The following GSDMC variants were observed in gnomAD, a reference collection of about 807,000 sequenced individuals.
GSDMC encodes gasdermin-C.
GSDMC carries 59 observed loss-of-function variants against 58.0 expected under a neutral mutation model. The observed-to-expected ratio is 1.02, with a 90% confidence interval of 0.82 to 1.26. The LOEUF (loss-of-function observed/expected upper bound fraction) is 1.26. Ranked by LOEUF, GSDMC falls within the 50% of genes most tolerant of loss-of-function variation. The pLI, the probability that GSDMC is intolerant of heterozygous loss-of-function variation, is 0.00. For missense variants in GSDMC, 659 were observed against 598.5 expected (o/e 1.10, Z -1.06); for synonymous variants, 241 against 220.2 (o/e 1.09, Z -0.83).
chr8:129,723,494 C>T, the GSDMC span, among the ~76,000 whole-genome samples: 1 of 149,816 alleles, frequency 6.7e-6, no homozygotes, highest in Non-Finnish European at 1.5e-5. Context: ...TCTCGAACTC[C>T]TGACCTCATG....
At chr8:129,734,560 C>A in the GSDMC span, among the ~76,000 whole-genome samples, 1 of 152,200 alleles carries the variant, frequency 6.6e-6, no homozygotes, top group Non-Finnish European at 1.5e-5. Context: ...CCCAGAATTT[C>A]ATATCCAGCC....
At chr8:129,715,153 G>A in the GSDMC span, among the ~76,000 whole-genome samples, 1 of 152,124 alleles carries the variant, frequency 6.6e-6, no homozygotes, top group Admixed American at 6.6e-5. Context: ...CATAAACAGT[G>A]TCTCTTCCCC....
At chr8:129,765,516 T>A in intron 4 of GSDMC, 112 bp downstream of exon 4, 1 of 776,902 alleles carries the variant, frequency 1.3e-6, no homozygotes, top group Admixed American at 2.0e-5. Flanking sequence ...AATGACTCCA[T>A]CCCTTGTAAT....
At chr8:129,779,931 T>C (rs149432548) in intron 1 of GSDMC, among the ~76,000 whole-genome samples, 2,163 of 152,096 alleles carry the variant, frequency 0.014, 59 homozygotes, top group African/African-American at 0.049. Context: ...TTAAGGAAAT[T>C]GAAATAATTA....
chr8:129,743,000 G>C, the GSDMC span, among the ~76,000 whole-genome samples: 1 of 152,010 alleles, frequency 6.6e-6, no homozygotes, highest in Non-Finnish European at 1.5e-5. Context: ...TTCTTTCTCT[G>C]AATGCATTGG....
chr8:129,752,977 C>G (rs2033277199), intron 6 of GSDMC, 157 bp from the exon 7 acceptor site: 1 of 1,317,846 alleles, frequency 7.6e-7, no homozygotes, highest in Non-Finnish European at 1.0e-6. Context: ...TTGCCCATTC[C>G]TTCTTTCAGA....
At chr8:129,715,140 G>C in the GSDMC span, among the ~76,000 whole-genome samples, 3 of 152,016 alleles carry the variant, frequency 2.0e-5, no homozygotes, top group Admixed American at 6.6e-5. Context: ...TAAGACACAG[G>C]GTCATAAACA....
chr8:129,772,002 C>CACCTGTAATCCCAGCACTTTAGGA (rs2034067577), intron 3 of GSDMC, among the ~76,000 whole-genome samples: 1 of 152,168 alleles, frequency 6.6e-6, no homozygotes, highest in Admixed American at 6.5e-5. Context: ...CAGTGGCTCA[C>CACCTGTAATCCCAGCACTTTAGGA]ACCTGTAATC....
chr8:129,752,860 C>T (rs779715041), intron 6 of GSDMC, 40 bp from the exon 7 acceptor site: 1 of 1,613,406 alleles, frequency 6.2e-7, no homozygotes. Flanking sequence ...GGTAACTTTA[C>T]ATTGAACTCA....
chr8:129,775,060 C>G (rs2034178474), intron 3 of GSDMC, among the ~76,000 whole-genome samples: 2 of 152,188 alleles, frequency 1.3e-5, no homozygotes, highest in South Asian at 4.1e-4. Context: ...AATCTCATTT[C>G]TAGGTATACA....
intron 3 of GSDMC, among the ~76,000 whole-genome samples, chr8:129,770,848 T>C (rs1022102024): frequency 1.3e-5 from 2 of 151,786 alleles, no homozygotes; most frequent in African/African-American, 4.8e-5. Context: ...GGATAATATA[T>C]ATAAGAAAGC....
chr8:129,777,663 AT>A lies in GSDMC; in HGVS notation c.-4-73del, dbSNP rs1020926205. 2.7e-4 allele frequency: 212 copies of A among 797,248 alleles called. 1 individual carries two copies. Among genetic ancestry groups the A allele is most frequent in the Middle Eastern group, 2.5e-3 (11 of 4,348 alleles). 49.4% of individuals were successfully genotyped at this position (797,248 alleles called of 1,614,324 possible). The stretch of plus-strand genomic sequence containing the variant: ...GGTTAAACTCTCACCAATTATTGAT[AT>A]TTCCCCTAAAGGAAAAGATCTACAT... On this transcript the variant is annotated intron_variant, in intron 1 of 13. Coordinates refer to ENST00000276708, the MANE Select transcript of GSDMC (RefSeq NM_031415.3).
intron 3 of GSDMC, among the ~76,000 whole-genome samples, chr8:129,774,538 AAAAG>A (rs1247844635): frequency 1.4e-4 from 21 of 151,594 alleles, no homozygotes; most frequent in African/African-American, 4.4e-4. Context: ...CAAAAAAAAA[AAAAG>A]AAAAGAAAAG....
chr8:129,721,899 T>C, the GSDMC span, among the ~76,000 whole-genome samples: 1 of 152,258 alleles, frequency 6.6e-6, no homozygotes, highest in Admixed American at 6.5e-5. Flanking sequence ...CAGACCTAGT[T>C]CACTAACCCC....
intron 1 of GSDMC, among the ~76,000 whole-genome samples, chr8:129,780,433 G>A (rs1361172997): frequency 2.0e-5 from 3 of 151,994 alleles, no homozygotes; most frequent in Admixed American, 6.6e-5. Flanking sequence ...ATTCCAATAC[G>A]TCTAGTAGCA....
intron 1 of GSDMC, among the ~76,000 whole-genome samples, chr8:129,781,471 G>A (rs1042244563): frequency 5.3e-5 from 8 of 152,150 alleles, no homozygotes; most frequent in Non-Finnish European, 7.4e-5. Flanking sequence ...CAGGCGAGAC[G>A]CGATGGCTCA....
intron 9 of GSDMC, 42 bp from the exon 10 acceptor site, chr8:129,751,610 C>G (rs146374321): frequency 0.029 from 46,480 of 1,598,570 alleles, 949 homozygotes; most frequent in Middle Eastern, 0.11. Context: ...CCTCATCCCC[C>G]CAAATTTGCT....
At chr8:129,732,997 C>T in the GSDMC span, among the ~76,000 whole-genome samples, 1 of 152,210 alleles carries the variant, frequency 6.6e-6, no homozygotes, top group Non-Finnish European at 1.5e-5. Flanking sequence ...AACAGCACAC[C>T]AGGAGATTAT....
In GSDMC at chr8:129,749,527, T is replaced by C; in HGVS notation, c.1214-2A>G. The C allele has an allele frequency of 3.1e-6, 5 of 1,611,632 alleles. No individual in the cohort carries two copies. The highest frequency in any genetic ancestry group is 4.2e-6 in the Non-Finnish European group (5 of 1,177,822). ...AATCGTGTTGGAAGTCACTCAGCAC[T>C]GAGGGTGGGGGACATGTGGGGAAAG... is the stretch of plus-strand genomic sequence containing the variant. On this transcript the variant is annotated splice_acceptor_variant, in intron 12 of 13. Coordinates refer to ENST00000276708, the MANE Select transcript of GSDMC (RefSeq NM_031415.3). LOFTEE classifies it high-confidence loss of function.
Sources: gnomAD v4.1 joint callset for allele counts (sites outside exome capture counted in the v4.1 genomes callset) on GRCh38, gnomAD v4.1.1 for gene constraint, MANE v1.5 for transcripts, NCBI Gene and HGNC (gene_info 2026-07-23, HGNC 2026-07-21) for gene names.